The following KDM2B variants were observed in gnomAD, a reference collection of about 807,000 sequenced individuals.
KDM2B encodes the protein lysine demethylase 2B, also known as lysine-specific demethylase 2B.
Under a neutral mutation model 150.0 loss-of-function variants are expected in KDM2B, and 26 were observed. That is an observed-to-expected ratio of 0.17 (90% confidence interval 0.13 to 0.24). The LOEUF is 0.24. Ranked by LOEUF, KDM2B falls within the 10% of genes least tolerant of loss-of-function variation. The pLI, the probability that KDM2B is intolerant of heterozygous loss-of-function variation, is 1.00. For synonymous variants in KDM2B, 734 were observed against 729.5 expected (o/e 1.01, Z -0.10); for missense variants, 1,265 against 1,816.9 (o/e 0.70, Z 5.52).
intron 22 of KDM2B, among the ~76,000 whole-genome samples, chr12:121,434,449 T>C (rs548538575): frequency 1.4e-5 from 2 of 138,456 alleles, no homozygotes; most frequent in South Asian, 2.2e-4. Flanking sequence ...TGAGCCAAGA[T>C]CGTGCCACTG....
chr12:121,545,950 T>G (rs1889005085), intron 6 of KDM2B, among the ~76,000 whole-genome samples: 1 of 152,020 alleles, frequency 6.6e-6, no homozygotes, highest in African/African-American at 2.4e-5. Context: ...CCAGTCTTCT[T>G]CACCTAAGTA....
the KDM2B span, among the ~76,000 whole-genome samples, chr12:121,423,096 G>C: frequency 2.0e-4 from 31 of 152,358 alleles, no homozygotes; most frequent in East Asian, 5.2e-3. The surrounding 1 kb of genome is among the most constrained non-coding windows in gnomAD (Gnocchi z 4.3). Context: ...CCCTATCACA[G>C]ATGTCTTGAA....
chr12:121,428,140 T>TATCTA (rs1166090155), downstream of KDM2B, among the ~76,000 whole-genome samples: 4 of 152,128 alleles, frequency 2.6e-5, no homozygotes, highest in Non-Finnish European at 5.9e-5. Context: ...GTCTTTAGAT[T>TATCTA]GAGTCAACAA....
At chr12:121,477,209 A>G (rs1041261760) in intron 12 of KDM2B, among the ~76,000 whole-genome samples, 2 of 152,108 alleles carry the variant, frequency 1.3e-5, no homozygotes, top group African/African-American at 4.8e-5. Flanking sequence ...AGCTGGGACT[A>G]CAGGCACAAA....
At chr12:121,431,560 TACA>T (rs1873026587) in intron 22 of KDM2B, among the ~76,000 whole-genome samples, 1 of 152,184 alleles carries the variant, frequency 6.6e-6, no homozygotes, top group East Asian at 1.9e-4. Context: ...CAATCATGCA[TACA>T]ACATCTGTGC....
chr12:121,536,103 AGC>A, intron 6 of KDM2B: 1 of 985,742 alleles, frequency 1.0e-6, no homozygotes. Context: ...AGGAGCCAGC[AGC>A]GCGCCGGCAC....
upstream of KDM2B, chr12:121,581,195 T>TG: frequency 2.9e-6 from 1 of 341,630 alleles, no homozygotes; most frequent in Non-Finnish European, 5.3e-6. Flanking sequence ...AGCAGATAGA[T>TG]GCTCAGGAGC....
intron 12 of KDM2B, among the ~76,000 whole-genome samples, chr12:121,461,800 C>T (rs1879156210): frequency 6.6e-6 from 1 of 152,124 alleles, no homozygotes; most frequent in Admixed American, 6.5e-5. Context: ...TAGTTAAGTC[C>T]GTGAGGATGT....
chr12:121,556,994 A>G (rs1889948728), intron 4 of KDM2B, among the ~76,000 whole-genome samples: 1 of 152,110 alleles, frequency 6.6e-6, no homozygotes, highest in Admixed American at 6.6e-5. Context: ...ATCGAACAGT[A>G]GACGCAGGGA....
chr12:121,562,574 G>C (rs1890420958), intron 4 of KDM2B, among the ~76,000 whole-genome samples: 1 of 151,982 alleles, frequency 6.6e-6, no homozygotes, highest in Non-Finnish European at 1.5e-5. Context: ...TCAAGGGCAA[G>C]ATCCACAGCT....
intron 9 of KDM2B, among the ~76,000 whole-genome samples, chr12:121,517,949 G>A (rs1203319768): frequency 6.6e-6 from 1 of 151,996 alleles, no homozygotes; most frequent in Non-Finnish European, 1.5e-5. Flanking sequence ...CTGGAGTGCA[G>A]TGGTGCGATC....
At chr12:121,421,788 A>AGT in the KDM2B span, among the ~76,000 whole-genome samples, 1 of 152,192 alleles carries the variant, frequency 6.6e-6, no homozygotes, top group African/African-American at 2.4e-5. Context: ...ACCATGCCTG[A>AGT]CCCTCAGTGG....
intron 11 of KDM2B, among the ~76,000 whole-genome samples, chr12:121,504,056 C>T (rs576861310): frequency 7.9e-5 from 12 of 152,204 alleles, no homozygotes; most frequent in Non-Finnish European, 1.6e-4. Flanking sequence ...TATCTTGGCA[C>T]TTCCATCACA....
chr12:121,491,665 G>A (rs868926497), intron 12 of KDM2B, among the ~76,000 whole-genome samples: 2 of 151,784 alleles, frequency 1.3e-5, no homozygotes, highest in Admixed American at 1.3e-4. Context: ...GTGGTGGTAC[G>A]CGCCTGTAAT....
intron 4 of KDM2B, among the ~76,000 whole-genome samples, chr12:121,573,451 T>C (rs1034002660): frequency 4.0e-5 from 6 of 151,724 alleles, no homozygotes; most frequent in Admixed American, 3.3e-4. Flanking sequence ...CCCAGCTAAT[T>C]TTTTGTAGAG....
chr12:121,455,624 G>T (rs1445572346), intron 12 of KDM2B, among the ~76,000 whole-genome samples: 1 of 152,186 alleles, frequency 6.6e-6, no homozygotes, highest in Non-Finnish European at 1.5e-5. Context: ...AGGATTGCTT[G>T]AGCCCAGGAA....
At chr12:121,463,052 C>T (rs1286624150) in intron 12 of KDM2B, among the ~76,000 whole-genome samples, 1 of 150,720 alleles carries the variant, frequency 6.6e-6, no homozygotes, top group Middle Eastern at 3.5e-3. Context: ...CGTGGTGGCT[C>T]ACGCCTATAA....
chr12:121,446,980 A>G (rs1555290476), intron 13 of KDM2B, among the ~76,000 whole-genome samples: 2 of 152,252 alleles, frequency 1.3e-5, no homozygotes, highest in African/African-American at 4.8e-5. Context: ...TCAAAGGTCA[A>G]GACAGGCTAA....
intron 12 of KDM2B, among the ~76,000 whole-genome samples, chr12:121,481,991 G>C (rs1882206657): frequency 6.6e-6 from 1 of 152,056 alleles, no homozygotes; most frequent in Admixed American, 6.6e-5. Flanking sequence ...ATGTTGGCCA[G>C]GCTGGTCTAG....
Sources: allele counts gnomAD v4.1 joint callset (sites outside exome capture counted in the v4.1 genomes callset), GRCh38; gene constraint gnomAD v4.1.1; non-coding constraint Gnocchi (gnomAD v3.1); transcripts MANE v1.5; gene names NCBI Gene and HGNC (gene_info 2026-07-23, HGNC 2026-07-21).